PIAS1: variants seen among roughly 807,000 people sequenced by gnomAD.
PIAS1 encodes the protein E3 SUMO-protein ligase PIAS1.
A neutral mutation model predicts 71.3 loss-of-function variants in PIAS1; 6 were observed. The observed-to-expected ratio is 0.08, with a 90% CI of 0.05 to 0.17. The LOEUF (loss-of-function observed/expected upper bound fraction) is 0.17, where lower values mean the gene tolerates loss of function less well. PIAS1 is among the 10% of genes least tolerant of loss of function. The pLI is 1.00. For synonymous variants in PIAS1, 303 were observed against 292.9 expected (o/e 1.03, Z -0.35); for missense variants, 555 against 793.6 (o/e 0.70, Z 3.61).
chr15:68,106,745 G>T (rs1595729742), intron 2 of PIAS1, among the ~76,000 whole-genome samples: 2 of 152,332 alleles, frequency 1.3e-5, no homozygotes, highest in South Asian at 2.1e-4. Context: ...AGCCTGATCT[G>T]TAGAGTGAAG....
chr15:68,151,477 T>G (rs1255208840), intron 6 of PIAS1, among the ~76,000 whole-genome samples: 1 of 151,950 alleles, frequency 6.6e-6, no homozygotes, highest in Non-Finnish European at 1.5e-5. Flanking sequence ...CTGTCATACT[T>G]GAAGCATTAA....
At chr15:68,064,650 T>G (rs879440604) in intron 1 of PIAS1, among the ~76,000 whole-genome samples, 1 of 152,236 alleles carries the variant, frequency 6.6e-6, no homozygotes, top group Non-Finnish European at 1.5e-5. Context: ...GAAAGTTATC[T>G]GAAAAGGCTA....
chr15:68,090,944 G>GTT (rs1362226133), intron 2 of PIAS1, among the ~76,000 whole-genome samples: 4 of 151,506 alleles, frequency 2.6e-5, no homozygotes, highest in African/African-American at 9.7e-5. Flanking sequence ...GTGTGTGTGT[G>GTT]TGTGTGTGTG....
intron 8 of PIAS1, among the ~76,000 whole-genome samples, chr15:68,166,422 AT>A (rs915319613): frequency 4.0e-5 from 6 of 149,690 alleles, no homozygotes; most frequent in South Asian, 2.1e-4. Flanking sequence ...AAAAAGACAA[AT>A]TTTTTTTTTA....
chr15:68,107,267 C>T (rs1256503417), intron 2 of PIAS1, among the ~76,000 whole-genome samples: 1 of 152,154 alleles, frequency 6.6e-6, no homozygotes, highest in Non-Finnish European at 1.5e-5. Flanking sequence ...TGTTTTCACT[C>T]TGATCATTGT....
chr15:68,123,252 G>A (rs2092625742), intron 2 of PIAS1, among the ~76,000 whole-genome samples: 2 of 151,888 alleles, frequency 1.3e-5, no homozygotes, highest in African/African-American at 4.8e-5. Context: ...GTGTCTTGTA[G>A]TGTTACTCAG....
chr15:68,068,704 C>T (rs1192540028), intron 1 of PIAS1, among the ~76,000 whole-genome samples: 4 of 151,884 alleles, frequency 2.6e-5, no homozygotes, highest in Non-Finnish European at 5.9e-5. Context: ...CCACCCACCT[C>T]AGCCTCCCAA....
intron 1 of PIAS1, among the ~76,000 whole-genome samples, chr15:68,075,844 C>T (rs1194293736): frequency 6.8e-6 from 1 of 146,004 alleles, no homozygotes; most frequent in African/African-American, 2.5e-5. Context: ...TGCAATGATG[C>T]GATCTTGGCT....
intron 2 of PIAS1, among the ~76,000 whole-genome samples, chr15:68,114,869 T>C (rs958776164): frequency 6.6e-6 from 1 of 152,124 alleles, no homozygotes; most frequent in Non-Finnish European, 1.5e-5. Context: ...TTCTGCACTT[T>C]TTATGTATTT....
chr15:68,122,550 A>G (rs556104341), intron 2 of PIAS1, among the ~76,000 whole-genome samples: 1 of 152,340 alleles, frequency 6.6e-6, no homozygotes, highest in South Asian at 2.1e-4. Flanking sequence ...AGTTGCTGCT[A>G]GGAAATAACA....
intron 11 of PIAS1, among the ~76,000 whole-genome samples, chr15:68,180,777 A>G (rs1595795576): frequency 6.6e-6 from 1 of 152,176 alleles, no homozygotes; most frequent in Non-Finnish European, 1.5e-5. Flanking sequence ...CCTCTGTCTT[A>G]TTATATGTAT....
intron 8 of PIAS1, among the ~76,000 whole-genome samples, chr15:68,166,411 G>A (rs1239254811): frequency 6.6e-6 from 1 of 151,386 alleles, no homozygotes; most frequent in Non-Finnish European, 1.5e-5. Flanking sequence ...TAGAGGGTGA[G>A]AAAAAGACAA....
rs1334015391 is a variant in PIAS1, at chr15:68,178,927, A to AT, written c.1481+2275dup. 2.0e-5 allele frequency among the ~76,000 whole-genome samples: 3 copies of AT among 152,236 alleles called. No homozygotes were observed. Among genetic ancestry groups the AT allele is most frequent in the African/African-American group, 7.2e-5 (3 of 41,460 alleles). ...ATGTTTATTATGTTTGGAAAATTACATTAAATGCATTAAGTACTTCCTGAA... is the reference window on the plus strand; with the variant it reads ...ATGTTTATTATGTTTGGAAAATTACATTTAAATGCATTAAGTACTTCCTGAA... On this transcript the variant is annotated intron_variant, in intron 11 of 13. Transcript: ENST00000249636. This position sits in a 1 kb window ranked among gnomAD's most constrained non-coding sequence, Gnocchi z 4.2.
chr15:68,072,044 A>G (rs2092102793), intron 1 of PIAS1, among the ~76,000 whole-genome samples: 1 of 151,772 alleles, frequency 6.6e-6, no homozygotes, highest in Non-Finnish European at 1.5e-5. Context: ...ACATTGAGGT[A>G]TGTTTGCGGA....
At chr15:68,074,338 A>G (rs780647638) in intron 1 of PIAS1, among the ~76,000 whole-genome samples, 2 of 152,130 alleles carry the variant, frequency 1.3e-5, no homozygotes, top group Non-Finnish European at 2.9e-5. Flanking sequence ...TAAATTTAAA[A>G]AAATTTTATT....
intron 8 of PIAS1, among the ~76,000 whole-genome samples, chr15:68,172,303 C>G (rs906334745): frequency 6.6e-6 from 1 of 152,172 alleles, no homozygotes; most frequent in Non-Finnish European, 1.5e-5. Context: ...TTTCTTAATT[C>G]AGTCTATCAT....
intron 1 of PIAS1, among the ~76,000 whole-genome samples, chr15:68,085,549 A>G (rs1339287882): frequency 6.6e-6 from 1 of 152,102 alleles, no homozygotes; most frequent in African/African-American, 2.4e-5. Flanking sequence ...TCTTTTTCCT[A>G]ATGGTTTAGT....
intron 7 of PIAS1, among the ~76,000 whole-genome samples, chr15:68,157,760 C>A (rs1321704109): frequency 1.3e-5 from 2 of 152,118 alleles, no homozygotes; most frequent in Admixed American, 1.3e-4. Context: ...AAAACTAACA[C>A]CCACCCCAAA....
At position 68,153,576 on chromosome 15, in the gene PIAS1, C is replaced by G; in HGVS notation, c.829-14C>G. On this transcript the variant is annotated splice_polypyrimidine_tract_variant and intron_variant, in intron 6 of 13. Coordinates refer to ENST00000249636, the MANE Select transcript of PIAS1 (RefSeq NM_016166.3). ...TACATATGTTGTTTGTTTTCTACTT[C>G]TTTTTTTTTCCAGAACTATTCCATG... The G allele has an allele frequency of 8.5e-7, 1 of 1,172,958 alleles. No individual in the cohort carries two copies. The highest frequency in any genetic ancestry group is 1.2e-6 in the Non-Finnish European group (1 of 809,544). 72.7% of individuals were successfully genotyped at this position (1,172,958 alleles called of 1,614,324 possible).
Sources: allele counts gnomAD v4.1 joint callset (sites outside exome capture counted in the v4.1 genomes callset), GRCh38; gene constraint gnomAD v4.1.1; non-coding constraint Gnocchi (gnomAD v3.1); transcripts MANE v1.5; gene names NCBI Gene and HGNC (gene_info 2026-07-23, HGNC 2026-07-21).